PKNOX2: variants seen among roughly 807,000 people sequenced by gnomAD.
PKNOX2 encodes the protein PBX/knotted 1 homeobox 2.
Under a neutral mutation model 53.1 loss-of-function variants are expected in PKNOX2, and 14 were observed. The observed-to-expected ratio is 0.26, with a 90% CI of 0.17 to 0.41. The LOEUF is 0.41. Among genes scored for constraint, PKNOX2 ranks in the 10% least tolerant of loss-of-function variants. PKNOX2 has a pLI of 1.00. For missense variants in PKNOX2, 496 were observed against 602.8 expected (o/e 0.82, Z 1.85); for synonymous variants, 257 against 242.8 (o/e 1.06, Z -0.54).
chr11:125,314,568 A>G (rs1376625425), intron 2 of PKNOX2, among the ~76,000 whole-genome samples: 1 of 152,000 alleles, frequency 6.6e-6, no homozygotes, highest in East Asian at 1.9e-4. Flanking sequence ...ACCTGCAGTC[A>G]GTGGGGAGGG....
At chr11:125,267,063 T>C (rs777991773) in intron 2 of PKNOX2, among the ~76,000 whole-genome samples, 2 of 152,222 alleles carry the variant, frequency 1.3e-5, no homozygotes, top group Admixed American at 1.3e-4. Flanking sequence ...TTGCTATCAT[T>C]GTCTGTTTCC....
chr11:125,308,858 C>T (rs570631794), intron 2 of PKNOX2, among the ~76,000 whole-genome samples: 5 of 152,186 alleles, frequency 3.3e-5, no homozygotes, highest in East Asian at 1.9e-4. Context: ...TCAGCACTCT[C>T]GCCTGCACAG....
At chr11:125,359,983 C>A (rs1951835109) in intron 4 of PKNOX2, among the ~76,000 whole-genome samples, 1 of 152,118 alleles carries the variant, frequency 6.6e-6, no homozygotes, top group Non-Finnish European at 1.5e-5. Flanking sequence ...CTCGGCCTCC[C>A]AAAGTGCTGG....
chr11:125,309,727 ATCT>A (rs1948691378), intron 2 of PKNOX2, among the ~76,000 whole-genome samples: 1 of 151,994 alleles, frequency 6.6e-6, no homozygotes, highest in African/African-American at 2.4e-5. Context: ...ACTCAACATC[ATCT>A]TCTTGCTTTC....
intron 1 of PKNOX2, among the ~76,000 whole-genome samples, chr11:125,230,840 A>G (rs1258038571): frequency 1.3e-5 from 2 of 152,208 alleles, no homozygotes; most frequent in African/African-American, 2.4e-5. Flanking sequence ...CTGTTAGCAC[A>G]CTTTTAAAGA....
chr11:125,176,773 G>A (rs957868171), intron 1 of PKNOX2, among the ~76,000 whole-genome samples: 3 of 152,172 alleles, frequency 2.0e-5, no homozygotes, highest in Admixed American at 6.5e-5. Context: ...AACAAGGTGA[G>A]AGGAAGACAG....
chr11:125,363,696 T>G (rs1026081612), intron 4 of PKNOX2, among the ~76,000 whole-genome samples: 6 of 152,178 alleles, frequency 3.9e-5, no homozygotes, highest in African/African-American at 1.4e-4. Context: ...GAGTGGCCAG[T>G]TCTGAGACCA....
rs73628705 is a variant in PKNOX2 at position 125,371,281 on chromosome 11, G to C, written c.227+3296G>C. ...GTTTGTGGCCCAGGAGCAGCACTGAGAGGGGGTCCAAAGAGGGGAGGCCGG... is the reference window on the plus strand; with the variant it reads ...GTTTGTGGCCCAGGAGCAGCACTGACAGGGGGTCCAAAGAGGGGAGGCCGG... On this transcript the variant is annotated intron_variant, in intron 5 of 12. Transcript: ENST00000298282. Among the ~76,000 whole-genome samples the C allele has an allele frequency of 8.8e-3, 1,334 of 152,232 alleles. 27 individuals are homozygous for C. Among genetic ancestry groups the C allele is most frequent in the African/African-American group, 0.03 (1,266 of 41,540 alleles).
At chr11:125,189,621 G>T (rs1591474987) in intron 1 of PKNOX2, among the ~76,000 whole-genome samples, 2 of 151,148 alleles carry the variant, frequency 1.3e-5, no homozygotes, top group East Asian at 3.9e-4. Flanking sequence ...TAGATAAGAT[G>T]CAGGTCTTCT....
chr11:125,414,203 A>T (rs1424734294), intron 10 of PKNOX2, among the ~76,000 whole-genome samples: 1 of 152,152 alleles, frequency 6.6e-6, no homozygotes, highest in East Asian at 1.9e-4. Flanking sequence ...AGGAAGTAGT[A>T]GCTGAGCACA....
chr11:125,352,601 T>C lies in PKNOX2; in HGVS notation c.87+1209T>C, dbSNP rs905647568. Among the ~76,000 whole-genome samples the C allele has an allele frequency of 6.6e-6, 1 of 152,180 alleles. No individual in the cohort carries two copies. Among genetic ancestry groups the C allele is most frequent in the African/African-American group, 2.4e-5 (1 of 41,440 alleles). Reference sequence around the variant, plus strand: ...ATGTAGTAGCTGCTTTATACATCATTGTCATCCTCTGGGAGATTACCAGAT... The same window carrying C: ...ATGTAGTAGCTGCTTTATACATCATCGTCATCCTCTGGGAGATTACCAGAT... On this transcript the variant is annotated intron_variant, in intron 4 of 12. Transcript: ENST00000298282. This position sits in a 1 kb window ranked among gnomAD's most constrained non-coding sequence, Gnocchi z 4.1.
At chr11:125,339,739 A>T (rs1428104916) in intron 3 of PKNOX2, among the ~76,000 whole-genome samples, 1 of 152,280 alleles carries the variant, frequency 6.6e-6, no homozygotes, top group Non-Finnish European at 1.5e-5. Flanking sequence ...AGGGTGAGGC[A>T]CAGACAGCCT....
intron 6 of PKNOX2, among the ~76,000 whole-genome samples, chr11:125,396,440 G>C (rs770648282): frequency 6.6e-6 from 1 of 152,244 alleles, no homozygotes; most frequent in South Asian, 2.1e-4. Context: ...GCATGTGGAT[G>C]TCTAATTATT....
At chr11:125,411,515 CCTT>C in intron 9 of PKNOX2, 3 of 407,004 alleles carry the variant, frequency 7.4e-6, no homozygotes, top group African/African-American at 2.6e-5. Context: ...TCTCTCCCCC[CCTT>C]CCCCATCTCT....
intron 3 of PKNOX2, among the ~76,000 whole-genome samples, chr11:125,342,515 C>T (rs566495569): frequency 1.7e-4 from 26 of 152,154 alleles, no homozygotes; most frequent in Admixed American, 1.6e-3. Flanking sequence ...AGAGGGCTGC[C>T]GGAGGTGGCT....
intron 3 of PKNOX2, among the ~76,000 whole-genome samples, chr11:125,340,299 A>G (rs2136149151): frequency 6.6e-6 from 1 of 152,360 alleles, no homozygotes; most frequent in South Asian, 2.1e-4. Context: ...AAGGACAGCC[A>G]GTATTCGAGG....
At chr11:125,280,638 C>T (rs569490006) in intron 2 of PKNOX2, among the ~76,000 whole-genome samples, 29 of 152,226 alleles carry the variant, frequency 1.9e-4, no homozygotes, top group African/African-American at 7.0e-4. Context: ...GGCAGCCTGG[C>T]GTGGGTTCCT....
At chr11:125,193,534 T>C (rs1437543332) in intron 1 of PKNOX2, among the ~76,000 whole-genome samples, 2 of 152,234 alleles carry the variant, frequency 1.3e-5, no homozygotes, top group East Asian at 3.8e-4. Context: ...TTTCTCTCTG[T>C]GTAAGGCTAT....
At chr11:125,203,666 G>T (rs781772325) in intron 1 of PKNOX2, among the ~76,000 whole-genome samples, 44 of 152,188 alleles carry the variant, frequency 2.9e-4, no homozygotes, top group Non-Finnish European at 5.1e-4. Flanking sequence ...CTCTCTAGGG[G>T]CTTTTGGGAG....
Sources: gnomAD v4.1 joint callset for allele counts (sites outside exome capture counted in the v4.1 genomes callset) on GRCh38, gnomAD v4.1.1 for gene constraint, Gnocchi (gnomAD v3.1) non-coding constraint, MANE v1.5 for transcripts, NCBI Gene and HGNC (gene_info 2026-07-23, HGNC 2026-07-21) for gene names.